SRBD1: variants seen among roughly 807,000 people sequenced by gnomAD.
SRBD1 encodes the protein S1 RNA-binding domain-containing protein 1.
A neutral mutation model predicts 115.3 loss-of-function variants in SRBD1; 88 were observed. That is an observed-to-expected ratio of 0.76 (90% CI 0.64 to 0.91). The LOEUF is 0.91. SRBD1 is among the 40% of genes least tolerant of loss of function. SRBD1 has a pLI of 0.00. For missense variants in SRBD1, 1,385 were observed against 1,177.4 expected, an observed-to-expected ratio of 1.18 and a Z score of -2.58; for synonymous variants, 509 against 407.7, an observed-to-expected ratio of 1.25 and a Z score of -2.99.
intron 20 of SRBD1, among the ~76,000 whole-genome samples, chr2:45,390,566 G>A (rs923196949): frequency 6.6e-6 from 1 of 152,104 alleles, no homozygotes; most frequent in Non-Finnish European, 1.5e-5. Context: ...CCTTTCCTAG[G>A]ATTACTGAGT....
chr2:45,495,706 G>A (rs1670436170), intron 14 of SRBD1, among the ~76,000 whole-genome samples: 1 of 152,120 alleles, frequency 6.6e-6, no homozygotes, highest in African/African-American at 2.4e-5. Context: ...GGTTGATACT[G>A]GGACAGGAAA....
chr2:45,449,282 C>G (rs1157253703), intron 16 of SRBD1, among the ~76,000 whole-genome samples: 1 of 152,162 alleles, frequency 6.6e-6, no homozygotes, highest in Non-Finnish European at 1.5e-5. Context: ...AGTCTGCACA[C>G]TGAAACAGTT....
At chr2:45,459,163 A>T (rs1669239880) in intron 16 of SRBD1, among the ~76,000 whole-genome samples, 1 of 152,216 alleles carries the variant, frequency 6.6e-6, no homozygotes, top group Non-Finnish European at 1.5e-5. Flanking sequence ...GAACCACAAC[A>T]GAAGAATCAG....
intron 19 of SRBD1, among the ~76,000 whole-genome samples, chr2:45,400,592 G>A (rs531764178): frequency 5.7e-4 from 86 of 151,902 alleles, no homozygotes; most frequent in African/African-American, 2.1e-3. Context: ...TTTTCTTGGG[G>A]ACCAACCATT....
At chr2:45,520,990 T>G (rs537271590) in intron 14 of SRBD1, among the ~76,000 whole-genome samples, 1 of 152,302 alleles carries the variant, frequency 6.6e-6, no homozygotes, top group East Asian at 1.9e-4. Context: ...GGTTAACACT[T>G]AAGCCATCCA....
chr2:45,547,281 G>A (rs1296799640), intron 13 of SRBD1, among the ~76,000 whole-genome samples: 1 of 152,180 alleles, frequency 6.6e-6, no homozygotes. Context: ...ACAGAAGAAT[G>A]AACTGCTCAC....
intron 14 of SRBD1, among the ~76,000 whole-genome samples, chr2:45,506,218 T>C (rs950655752): frequency 1.3e-5 from 2 of 152,124 alleles, no homozygotes; most frequent in Admixed American, 1.3e-4. Context: ...TGATTAATAA[T>C]ACAATCCATC....
chr2:45,406,050 A>G (rs1667427619), intron 19 of SRBD1, among the ~76,000 whole-genome samples: 1 of 152,182 alleles, frequency 6.6e-6, no homozygotes, highest in Non-Finnish European at 1.5e-5. Context: ...AGAGACAGTT[A>G]GTTATAAAGC....
rs534482815 is a variant in SRBD1, at chr2:45,534,808, C to T, written c.1874+11924G>A. 5.3e-5 allele frequency among the ~76,000 whole-genome samples: 8 copies of T among 151,920 alleles called. No homozygotes were observed. In the South Asian group the frequency reaches 1.7e-3, roughly 32 times the overall value. On this transcript the variant is annotated intron_variant, in intron 14 of 20. Transcript: ENST00000263736. ...GCTAAATAGATCTTAAGTTATATAG[C>T]TAAGTCTACTGATTTTTTGGAAAGT... is the stretch of plus-strand genomic sequence containing the variant.
chr2:45,575,929 C>G (rs892820390), intron 7 of SRBD1, among the ~76,000 whole-genome samples: 1 of 152,168 alleles, frequency 6.6e-6, no homozygotes, highest in East Asian at 1.9e-4. Flanking sequence ...GTCTCGAACT[C>G]GTGACCTCAA....
chr2:45,419,845 T>C lies in SRBD1; in HGVS notation c.2099A>G (p.Glu700Gly). The C allele has an allele frequency of 1.2e-6, 2 of 1,613,848 alleles. No individual in the cohort carries two copies. Among genetic ancestry groups the C allele is most frequent in the Non-Finnish European group, 8.5e-7 (1 of 1,179,870 alleles). The part of the protein sequence containing the change: ...LLKATLDSVV[E>G]ECVSFVGVDI... ...CACTCCCACAAAGCTGACACATTCT[T>C]CTACAACACTGTCCAGTGTTGCCTT... Residue 700 changes from glutamate to glycine, a missense_variant, in exon 17 of 21, where the codon GAA (glutamate) becomes GGA (glycine). By Grantham distance (98) the Glu-to-Gly change is moderately conservative (BLOSUM62 -2). Coordinates refer to ENST00000263736, the MANE Select transcript of SRBD1 (RefSeq NM_018079.5).
chr2:45,427,827 C>T (rs1464551021), intron 16 of SRBD1, among the ~76,000 whole-genome samples: 1 of 152,160 alleles, frequency 6.6e-6, no homozygotes, highest in Non-Finnish European at 1.5e-5. Context: ...ATACCCAATA[C>T]AGCTGCACCC....
rs1668560129 is a variant in SRBD1, at chr2:45,438,218, TG to T, written c.2050-18325del. Among the ~76,000 whole-genome samples, 5 of 152,308 alleles carry T rather than the reference TG, an allele frequency of 3.3e-5. No individual in the cohort carries two copies. The South Asian group carries it at 1.0e-3, about 32-fold the overall frequency. On this transcript the variant is annotated intron_variant, in intron 16 of 20. Transcript: ENST00000263736. The stretch of plus-strand genomic sequence containing the variant: ...AATCCCTATATGATTCATTCTGATC[TG>T]ATAGTCTGATCTGAGAGTTAATTAT...
intron 14 of SRBD1, among the ~76,000 whole-genome samples, chr2:45,507,072 G>A (rs1479378199): frequency 6.6e-6 from 1 of 152,164 alleles, no homozygotes; most frequent in African/African-American, 2.4e-5. Context: ...TAAAGAATGA[G>A]TGTTGGTAAA....
chr2:45,446,607 A>C (rs1249950920), intron 16 of SRBD1, among the ~76,000 whole-genome samples: 1 of 152,102 alleles, frequency 6.6e-6, no homozygotes, highest in Non-Finnish European at 1.5e-5. Context: ...ATAATTTCCC[A>C]GAAGTGAAGG....
At chr2:45,447,511 T>C (rs1044038485) in intron 16 of SRBD1, 3 of 152,124 alleles carry the variant, frequency 2.0e-5, no homozygotes, top group African/African-American at 7.2e-5. Flanking sequence ...AAGAGTTAAG[T>C]GATTTAACCC....
chr2:45,598,507 G>A (rs556946817), intron 4 of SRBD1, among the ~76,000 whole-genome samples: 2 of 151,924 alleles, frequency 1.3e-5, no homozygotes, highest in East Asian at 1.9e-4. Context: ...CCAGCTACTC[G>A]GGAGGCTGAG....
chr2:45,601,782 G>C (rs910118194), intron 3 of SRBD1, 121 bp downstream of exon 3: 3 of 1,270,218 alleles, frequency 2.4e-6, no homozygotes, highest in Middle Eastern at 2.8e-4. Flanking sequence ...CCAGGGTAGG[G>C]GATGCCATTG....
intron 9 of SRBD1, chr2:45,569,412 C>T (rs552323164): frequency 6.6e-6 from 1 of 152,128 alleles, no homozygotes; most frequent in Non-Finnish European, 1.5e-5. Flanking sequence ...CACTTCAGCC[C>T]AGAAATCCTA....
Sources: gnomAD v4.1 joint callset for allele counts (sites outside exome capture counted in the v4.1 genomes callset) on GRCh38, gnomAD v4.1.1 for gene constraint, MANE v1.5 for transcripts, NCBI Gene and HGNC (gene_info 2026-07-23, HGNC 2026-07-21) for gene names.